The following LTA variants were observed in gnomAD, a reference collection of about 807,000 sequenced individuals.
LTA encodes lymphotoxin-alpha.
LTA carries 6 observed loss-of-function variants against 15.1 expected under a neutral mutation model. That is an observed-to-expected ratio of 0.40 (90% CI 0.22 to 0.78). LTA has a LOEUF of 0.78. LTA is among the 30% of genes least tolerant of loss of function. The pLI, the probability that LTA is intolerant of heterozygous loss-of-function variation, is 0.38. For missense variants in LTA, 173 were observed against 249.5 expected (o/e 0.69, Z 2.06); for synonymous variants, 87 against 107.3 (o/e 0.81, Z 1.17).
chr6:31,572,426 C>G lies in LTA; in HGVS notation c.-30C>G, dbSNP rs1027854897. On this transcript the variant is annotated 5_prime_UTR_variant, in exon 1 of 4. Coordinates refer to ENST00000418386, the MANE Select transcript of LTA (RefSeq NM_000595.4). ...CTGCACCTGCTGCCTGGATCCCCGGCCTGCCTGGGCCTGGGCCTTGGTGGG... is the reference window on the plus strand; with the variant it reads ...CTGCACCTGCTGCCTGGATCCCCGGGCTGCCTGGGCCTGGGCCTTGGTGGG... 4.0e-6 allele frequency: 2 copies of G among 500,392 alleles called. No homozygotes were observed. Among genetic ancestry groups the G allele is most frequent in the Non-Finnish European group, 3.6e-6 (1 of 280,224 alleles). The allele number at this position is 500,392 out of a possible 1,614,324, so 31.0% of individuals were successfully genotyped here.
the LTA span, among the ~76,000 whole-genome samples, chr6:31,565,786 C>T: frequency 6.6e-6 from 1 of 152,186 alleles, no homozygotes; most frequent in Non-Finnish European, 1.5e-5. Flanking sequence ...GTCTACTTCT[C>T]TCCATCTCCA....
Position 31,573,794 on chromosome 6 carries a change from T to A in LTA, c.*101T>A. ...TCAGGGGTCGTCACCACCTCTCCTT[T>A]GGCCATTCCAACAGCTCAAGTCTTC... On this transcript the variant is annotated 3_prime_UTR_variant, in exon 4 of 4. Coordinates refer to ENST00000418386, the MANE Select transcript of LTA (RefSeq NM_000595.4). 1 of 1,384,518 alleles carries A rather than the reference T, an allele frequency of 7.2e-7. No homozygotes were observed. The highest frequency in any genetic ancestry group is 1.0e-6 in the Non-Finnish European group (1 of 985,906). 85.8% of individuals were successfully genotyped at this position (1,384,518 alleles called of 1,614,324 possible).
chr6:31,569,836 A>G (rs1258276127), upstream of LTA, among the ~76,000 whole-genome samples: 1 of 151,654 alleles, frequency 6.6e-6, no homozygotes, highest in East Asian at 1.9e-4. Context: ...GACCTATCTC[A>G]TCTGATAGTA....
rs549408468 is a variant in LTA, at chr6:31,573,108, C to T, written c.205+75C>T. ...ACCCCTGCCTCAGGAACCCAAGCAT[C>T]CACCCCTCTCCCCCAACTTCCCCCA... On this transcript the variant is annotated intron_variant, in intron 3 of 3. Transcript: ENST00000418386. 60 of 1,334,732 alleles carry T rather than the reference C, an allele frequency of 4.5e-5. No individual in the cohort carries two copies. The African/African-American group carries it at 8.4e-4, about 19-fold the overall frequency. The allele number at this position is 1,334,732 out of a possible 1,614,324, so 82.7% of individuals were successfully genotyped here.
Position 31,573,783 on chromosome 6 carries a change from C to T in LTA, c.*90C>T, listed in dbSNP as rs751012729. Reference sequence around the variant, plus strand: ...TTCTGACCATTTCAGGGGTCGTCACCACCTCTCCTTTGGCCATTCCAACAG... The same window carrying T: ...TTCTGACCATTTCAGGGGTCGTCACTACCTCTCCTTTGGCCATTCCAACAG... On this transcript the variant is annotated 3_prime_UTR_variant, in exon 4 of 4. Coordinates refer to ENST00000418386, the MANE Select transcript of LTA (RefSeq NM_000595.4). 9 of 1,464,652 alleles carry T rather than the reference C, an allele frequency of 6.1e-6. No homozygotes were observed. Among genetic ancestry groups the T allele is most frequent in the Non-Finnish European group, 8.5e-6 (9 of 1,055,154 alleles). The allele number at this position is 1,464,652 out of a possible 1,614,324, so 90.7% of individuals were successfully genotyped here.
Position 31,573,495 on chromosome 6 carries a change from C to T in LTA, c.420C>T (p.Ser140=). The change falls in exon 4 of 4, where the codon TCC becomes TCT. Residue 140 remains serine (S), a synonymous_variant. Coordinates refer to ENST00000418386, the MANE Select transcript of LTA (RefSeq NM_000595.4). ...YLAHEVQLFS[S]QYPFHVPLLS... ...CCCATGAGGTCCAGCTCTTCTCCTC[C>T]CAGTACCCCTTCCATGTGCCTCTCC... The T allele has an allele frequency of 1.2e-6, 2 of 1,614,114 alleles. No individual in the cohort carries two copies. Among genetic ancestry groups the T allele is most frequent in the African/African-American group, 1.3e-5 (1 of 75,028 alleles).
rs1770914310 is a variant in LTA at position 31,572,770 on chromosome 6, C to G, written c.28C>G (p.Pro10Ala). 1 of 1,610,416 alleles carries G rather than the reference C, an allele frequency of 6.2e-7. No individual in the cohort carries two copies. Among genetic ancestry groups the G allele is most frequent in the Admixed American group, 1.7e-5 (1 of 59,940 alleles). ...GACACCACCTGAACGTCTCTTCCTC[C>G]CAAGGGTGTGTGGCACCACCCTACA... MTPPERLFL[P>A]RVCGTTLHLL... The change falls in exon 2 of 4, where the codon CCA becomes GCA. Residue 10 changes from proline (P) to alanine (A), a missense_variant. Pro to Ala is a conservative substitution (Grantham distance 27). Transcript: ENST00000418386.
Position 31,572,462 on chromosome 6 carries a change from G to A in LTA, c.-10+16G>A. The stretch of plus-strand genomic sequence containing the variant: ...CTGGGCCTTGGTGGGTTTGGTTTTG[G>A]TTTCCTTCTCTGTCTCTGACTCTCC... On this transcript the variant is annotated intron_variant, in intron 1 of 3. Coordinates refer to ENST00000418386, the MANE Select transcript of LTA (RefSeq NM_000595.4). The A allele has an allele frequency of 1.8e-6, 1 of 547,088 alleles. No individual in the cohort carries two copies. Among genetic ancestry groups the A allele is most frequent in the Admixed American group, 3.4e-5 (1 of 29,342 alleles). The allele number at this position is 547,088 out of a possible 1,614,324, so 33.9% of individuals were successfully genotyped here. A position where few individuals can be genotyped will look rare whatever the true frequency, so the allele number is the denominator to read the frequency against.
the LTA span, among the ~76,000 whole-genome samples, chr6:31,562,075 T>G: frequency 2.0e-5 from 3 of 146,624 alleles, no homozygotes; most frequent in South Asian, 2.2e-4. Context: ...AGAGAACCAA[T>G]AAAGGAGAGG....
In LTA at chr6:31,573,826, C is replaced by T; in HGVS notation, c.*133C>T. 1.9e-6 allele frequency: 2 copies of T among 1,060,618 alleles called. No homozygotes were observed. The highest frequency in any genetic ancestry group is 2.8e-6 in the Non-Finnish European group (2 of 703,804). 65.7% of individuals were successfully genotyped at this position (1,060,618 alleles called of 1,614,324 possible). ...TCCAACAGCTCAAGTCTTCCCTGAT[C>T]AAGTCACCGGAGCTTTCAAAGAAGG... On this transcript the variant is annotated 3_prime_UTR_variant, in exon 4 of 4. Transcript: ENST00000418386.
chr6:31,568,435 G>A (rs1362107745), upstream of LTA, among the ~76,000 whole-genome samples: 1 of 152,134 alleles, frequency 6.6e-6, no homozygotes. This position sits in a 1 kb window ranked among gnomAD's most constrained non-coding sequence, Gnocchi z 4.1. Flanking sequence ...TAATTGGGAT[G>A]TGTTTAGATT....
chr6:31,567,871 C>A (rs760561745), upstream of LTA, among the ~76,000 whole-genome samples: 1 of 152,042 alleles, frequency 6.6e-6, no homozygotes, highest in Non-Finnish European at 1.5e-5. Context: ...GTCGTCAACA[C>A]CCCCAGCTTG....
chr6:31,565,885 T>C, the LTA span, among the ~76,000 whole-genome samples: 1 of 152,082 alleles, frequency 6.6e-6, no homozygotes, highest in African/African-American at 2.4e-5. Context: ...AGTGATCTTT[T>C]AAAAACAAGT....
chr6:31,565,650 A>G, the LTA span, among the ~76,000 whole-genome samples: 3 of 152,160 alleles, frequency 2.0e-5, no homozygotes, highest in Non-Finnish European at 4.4e-5. Context: ...CACCCAAAAT[A>G]GAATTTTTTA....
intron 1 of LTA, 99 bp from the exon 2 acceptor site, chr6:31,572,635 G>A (rs1490685071): frequency 1.5e-5 from 12 of 778,924 alleles, no homozygotes; most frequent in Admixed American, 1.1e-4. Context: ...TCTCTCTCTC[G>A]GGGGTCGGGG....
chr6:31,573,201 C>A, intron 3 of LTA, 80 bp from the exon 4 acceptor site: 1 of 1,434,684 alleles, frequency 7.0e-7, no homozygotes, highest in Non-Finnish European at 9.6e-7. Flanking sequence ...CTCAGTTGTT[C>A]AGTGCCCACT....
At chr6:31,562,216 C>T in the LTA span, among the ~76,000 whole-genome samples, 3 of 151,884 alleles carry the variant, frequency 2.0e-5, no homozygotes, top group Admixed American at 6.6e-5. Flanking sequence ...AGGAACTAGA[C>T]GATTACAAAT....
chr6:31,569,980 A>G (rs1165940534), upstream of LTA, among the ~76,000 whole-genome samples: 3 of 152,060 alleles, frequency 2.0e-5, no homozygotes, highest in African/African-American at 7.2e-5. Context: ...CCATTAGATG[A>G]TACTCCTTTT....
rs749847883 is a variant in LTA, at chr6:31,572,741, C to T, written c.-2C>T. On this transcript the variant is annotated 5_prime_UTR_variant, in exon 2 of 4. Transcript: ENST00000418386. ...CTCTCTCTTTCTCTGCAGGTTCTCC[C>T]CATGACACCACCTGAACGTCTCTTC... The T allele has an allele frequency of 6.2e-7, 1 of 1,605,870 alleles. No individual in the cohort carries two copies. Among genetic ancestry groups the T allele is most frequent in the African/African-American group, 1.3e-5 (1 of 74,838 alleles).
Sources: allele counts gnomAD v4.1 joint callset (sites outside exome capture counted in the v4.1 genomes callset), GRCh38; gene constraint gnomAD v4.1.1; non-coding constraint Gnocchi (gnomAD v3.1); transcripts MANE v1.5; gene names NCBI Gene and HGNC (gene_info 2026-07-23, HGNC 2026-07-21).